Variants in AUTS2 observed in about 807,000 individuals in gnomAD.
AUTS2 encodes autism susceptibility gene 2 protein.
Under a neutral mutation model 112.4 loss-of-function variants are expected in AUTS2, and 17 were observed. That is an observed-to-expected ratio of 0.15 (90% CI 0.10 to 0.23). The LOEUF is 0.23. Among genes scored for constraint, AUTS2 ranks in the 10% least tolerant of loss-of-function variants. The pLI is 1.00. For missense variants in AUTS2, 1,510 were observed against 1,701.6 expected, an observed-to-expected ratio of 0.89 and a Z score of 1.98; for synonymous variants, 751 against 702.7, an observed-to-expected ratio of 1.07 and a Z score of -1.09.
chr7:70,065,082 T>A (rs547701494), intron 2 of AUTS2, among the ~76,000 whole-genome samples: 79 of 152,234 alleles, frequency 5.2e-4, no homozygotes, highest in South Asian at 1.0e-3. Flanking sequence ...GGGGGGCATT[T>A]CTATATGATT....
intron 5 of AUTS2, among the ~76,000 whole-genome samples, chr7:70,453,857 GAT>G (rs1451389121): frequency 2.2e-4 from 34 of 152,332 alleles, no homozygotes; most frequent in Non-Finnish European, 4.7e-4. Flanking sequence ...TATCTGCAAA[GAT>G]ACTTTTTCCT....
chr7:69,766,871 G>C (rs570950184), intron 1 of AUTS2, among the ~76,000 whole-genome samples: 1 of 152,334 alleles, frequency 6.6e-6, no homozygotes, highest in Non-Finnish European at 1.5e-5. Context: ...AGTTGGAGTG[G>C]CATGACAGTC....
At chr7:70,644,390 C>T (rs144580454) in intron 5 of AUTS2, among the ~76,000 whole-genome samples, 190 of 152,234 alleles carry the variant, frequency 1.2e-3, no homozygotes, top group Middle Eastern at 6.8e-3. Flanking sequence ...GGGAACTGCA[C>T]GTTCTTGTGC....
intron 4 of AUTS2, among the ~76,000 whole-genome samples, chr7:70,231,887 C>T (rs1023520301): frequency 6.6e-6 from 1 of 152,094 alleles, no homozygotes; most frequent in African/African-American, 2.4e-5. Context: ...GATTCTCCTG[C>T]CTCAGCTTCC....
chr7:70,035,045 A>C (rs1800940543), intron 2 of AUTS2, among the ~76,000 whole-genome samples: 1 of 152,150 alleles, frequency 6.6e-6, no homozygotes, highest in Admixed American at 6.5e-5. Flanking sequence ...TGGGTTTGAC[A>C]TGTCATTCCA....
chr7:70,439,363 C>T (rs956032647), intron 5 of AUTS2, among the ~76,000 whole-genome samples: 1 of 151,958 alleles, frequency 6.6e-6, no homozygotes, highest in African/African-American at 2.4e-5. Flanking sequence ...CATAGTGAAA[C>T]CCCGTCTCTA....
At chr7:70,089,645 T>C (rs1490850007) in intron 2 of AUTS2, among the ~76,000 whole-genome samples, 1 of 152,210 alleles carries the variant, frequency 6.6e-6, no homozygotes, top group East Asian at 1.9e-4. Flanking sequence ...TATTTTATCT[T>C]ATTTTTTCCT....
At chr7:70,121,326 A>G (rs964296012) in intron 3 of AUTS2, among the ~76,000 whole-genome samples, 1 of 152,178 alleles carries the variant, frequency 6.6e-6, no homozygotes, top group Non-Finnish European at 1.5e-5. Context: ...AGCATGTACA[A>G]TGAAAGAGAA....
At chr7:70,634,077 G>A (rs1293441310) in intron 5 of AUTS2, among the ~76,000 whole-genome samples, 2 of 151,612 alleles carry the variant, frequency 1.3e-5, no homozygotes, top group Admixed American at 6.6e-5. Flanking sequence ...TTCTAGGTAC[G>A]AGAAACATCA....
chr7:70,376,187 G>A (rs1048235179), intron 4 of AUTS2, among the ~76,000 whole-genome samples: 1 of 152,094 alleles, frequency 6.6e-6, no homozygotes, highest in African/African-American at 2.4e-5. Context: ...TTGATGATAG[G>A]GTTGGAGTTT....
At chr7:70,216,247 A>G (rs1302070874) in intron 4 of AUTS2, among the ~76,000 whole-genome samples, 1 of 152,208 alleles carries the variant, frequency 6.6e-6, no homozygotes, top group Non-Finnish European at 1.5e-5. Context: ...CTTATGTTTA[A>G]TCTGGACAGA....
chr7:70,266,708 A>G (rs1413085136), intron 4 of AUTS2, among the ~76,000 whole-genome samples: 1 of 152,190 alleles, frequency 6.6e-6, no homozygotes, highest in Admixed American at 6.5e-5. Context: ...ATGGTATGCA[A>G]TTATACCTCA....
At chr7:70,742,729 T>C (rs1045586684) in intron 6 of AUTS2, among the ~76,000 whole-genome samples, 14 of 152,234 alleles carry the variant, frequency 9.2e-5, no homozygotes, top group African/African-American at 3.4e-4. Context: ...GCCCTTGCAC[T>C]CCAGCCTGGG....
At chr7:70,122,489 T>C (rs987717389) in intron 3 of AUTS2, among the ~76,000 whole-genome samples, 3 of 152,228 alleles carry the variant, frequency 2.0e-5, no homozygotes, top group African/African-American at 7.2e-5. Flanking sequence ...GGTTGTTTTT[T>C]CTCTTCATTA....
chr7:70,060,799 C>T (rs148995746), intron 2 of AUTS2, among the ~76,000 whole-genome samples: 18 of 152,270 alleles, frequency 1.2e-4, no homozygotes, highest in African/African-American at 3.1e-4. Flanking sequence ...CAGAAGGCAG[C>T]GGTGGGGCTA....
rs76803121 is a variant in AUTS2, at chr7:70,404,987, C to T, written c.661-30765C>T. 2.1e-3 allele frequency among the ~76,000 whole-genome samples: 325 copies of T among 152,270 alleles called. 1 individual carries two copies. Among genetic ancestry groups the T allele is most frequent in the Middle Eastern group, 6.8e-3 (2 of 294 alleles). On this transcript the variant is annotated intron_variant, in intron 4 of 18. Coordinates refer to ENST00000342771, the MANE Select transcript of AUTS2 (RefSeq NM_015570.4). ...CTTGGAATCAGTGGAAACCATTGCC[C>T]TTTATGCCAGCTGCTTCCTGAAGGA...
intron 5 of AUTS2, among the ~76,000 whole-genome samples, chr7:70,671,494 T>C (rs1203916458): frequency 6.6e-6 from 1 of 152,222 alleles, no homozygotes; most frequent in Non-Finnish European, 1.5e-5. Context: ...TCCTACTATG[T>C]GTAGTATGCT....
At chr7:70,144,336 T>G (rs1056957735) in intron 4 of AUTS2, among the ~76,000 whole-genome samples, 2 of 152,144 alleles carry the variant, frequency 1.3e-5, no homozygotes, top group African/African-American at 2.4e-5. Flanking sequence ...TTAAAATTAA[T>G]TTTTAAAATA....
chr7:70,303,137 G>A (rs1303227239), intron 4 of AUTS2, among the ~76,000 whole-genome samples: 1 of 152,128 alleles, frequency 6.6e-6, no homozygotes, highest in Non-Finnish European at 1.5e-5. Context: ...AAGACTCCCA[G>A]AGCAAAAGGA....
Sources: gnomAD v4.1 joint callset for allele counts (sites outside exome capture counted in the v4.1 genomes callset) on GRCh38, gnomAD v4.1.1 for gene constraint, MANE v1.5 for transcripts, NCBI Gene and HGNC (gene_info 2026-07-23, HGNC 2026-07-21) for gene names.